CCSER1: variants seen among roughly 807,000 people sequenced by gnomAD.
The protein encoded by CCSER1 is serine-rich coiled-coil domain-containing protein 1.
CCSER1 carries 41 observed loss-of-function variants against 82.0 expected under a neutral mutation model. The ratio of observed to expected loss-of-function variants is 0.50; its 90% CI spans 0.39 to 0.65. The LOEUF (loss-of-function observed/expected upper bound fraction) is 0.65. Among genes scored for constraint, CCSER1 ranks in the 30% least tolerant of loss-of-function variants. The pLI is 0.00. For synonymous variants in CCSER1, 414 were observed against 383.9 expected (o/e 1.08, Z -0.92); for missense variants, 1,119 against 1,064.2 (o/e 1.05, Z -0.72).
At chr4:90,238,346 A>AT (rs1746189773) in intron 1 of CCSER1, among the ~76,000 whole-genome samples, 1 of 152,186 alleles carries the variant, frequency 6.6e-6, no homozygotes, top group African/African-American at 2.4e-5. Context: ...GGGTCCTCAC[A>AT]TGATTCCTTT....
chr4:90,312,929 C>T lies in CCSER1; in HGVS notation c.1391C>T (p.Ser464Leu). Reference protein sequence around the residue: ...RFIERRLRSSSEGTAGSSRMI... With the variant: ...RFIERRLRSSLEGTAGSSRMI... ...ATAGAGAGGAGACTGCGATCCTCGT[C>T]AGAAGGCACTGCAGGGAGTAGCAGA... The change falls in exon 3 of 11, where the codon TCA becomes TTA. Residue 464 changes from serine (S) to leucine (L), a missense_variant. Transcript: ENST00000509176. 1 of 1,588,420 alleles carries T rather than the reference C, an allele frequency of 6.3e-7. No homozygotes were observed. Among genetic ancestry groups the T allele is most frequent in the Non-Finnish European group, 8.6e-7 (1 of 1,166,068 alleles).
At chr4:91,597,234 A>G (rs1764625949) in intron 10 of CCSER1, among the ~76,000 whole-genome samples, 1 of 152,120 alleles carries the variant, frequency 6.6e-6, no homozygotes, top group Non-Finnish European at 1.5e-5. Context: ...GGAATAAAAG[A>G]AACTACCTCA....
In CCSER1 at chr4:91,179,460, T is replaced by G. The variant is rs55924779; in HGVS notation, c.2217+93466T>G. Among the ~76,000 whole-genome samples, 503 of 152,350 alleles carry G rather than the reference T, an allele frequency of 3.3e-3. 2 individuals are homozygous for G. Among genetic ancestry groups the G allele is most frequent in the African/African-American group, 0.012 (483 of 41,588 alleles). ...ACACCAGTCAGACATAAGTTTGGTC[T>G]TTTCACATAGTCCCATATTTCTTGG... is the stretch of plus-strand genomic sequence containing the variant. On this transcript the variant is annotated intron_variant, in intron 10 of 10. Coordinates refer to ENST00000509176, the MANE Select transcript of CCSER1 (RefSeq NM_001145065.2).
At chr4:91,339,279 C>T (rs955064598) in intron 10 of CCSER1, among the ~76,000 whole-genome samples, 12 of 152,004 alleles carry the variant, frequency 7.9e-5, no homozygotes, top group Non-Finnish European at 1.8e-4. Flanking sequence ...CTGCCAGACA[C>T]TAAATGATTG....
intron 10 of CCSER1, among the ~76,000 whole-genome samples, chr4:91,159,655 CAGAA>C (rs1040695258): frequency 3.3e-5 from 5 of 151,674 alleles, no homozygotes; most frequent in Admixed American, 6.6e-5. Context: ...AGTAGTTTGT[CAGAA>C]AGAATGTGCA....
intron 10 of CCSER1, among the ~76,000 whole-genome samples, chr4:91,334,242 C>G (rs1441976817): frequency 1.3e-5 from 2 of 152,006 alleles, no homozygotes; most frequent in African/African-American, 4.8e-5. Flanking sequence ...TATTTCTTAT[C>G]TAACCAAAAC....
Position 90,351,600 on chromosome 4 carries a change from A to G in CCSER1, c.1509+38553A>G, listed in dbSNP as rs560553475. Among the ~76,000 whole-genome samples the G allele has an allele frequency of 3.9e-4, 59 of 152,280 alleles. 1 individual carries two copies. In the South Asian group the frequency reaches 0.01, roughly 26 times the overall value. ...CTGAAAACAGTGTGTATGTTCAACA[A>G]TAGTGTAAAAAAAAGTACATTGTGT... On this transcript the variant is annotated intron_variant, in intron 3 of 10. Transcript: ENST00000509176.
At chr4:90,477,382 C>A (rs568034440) in intron 5 of CCSER1, among the ~76,000 whole-genome samples, 2 of 152,196 alleles carry the variant, frequency 1.3e-5, no homozygotes, top group East Asian at 3.9e-4. Flanking sequence ...GACAATAGCA[C>A]CTGCTTTGTA....
chr4:90,553,820 A>T (rs573629786), intron 5 of CCSER1, among the ~76,000 whole-genome samples: 1 of 152,346 alleles, frequency 6.6e-6, no homozygotes, highest in East Asian at 1.9e-4. Context: ...TAATTCATTT[A>T]AACCTTCTGA....
chr4:91,185,058 A>G (rs909853241), intron 10 of CCSER1, among the ~76,000 whole-genome samples: 12 of 152,226 alleles, frequency 7.9e-5, no homozygotes, highest in African/African-American at 2.7e-4. Flanking sequence ...CCATGTGGAC[A>G]GCCAGTGCTG....
intron 7 of CCSER1, among the ~76,000 whole-genome samples, chr4:90,789,670 T>A (rs1840305): frequency 0.41 from 61,743 of 151,912 alleles, 14,383 homozygotes; most frequent in African/African-American, 0.65. Context: ...AATCTGACAG[T>A]TTTAAAAAGG....
chr4:90,858,030 T>C (rs556307898), intron 8 of CCSER1, among the ~76,000 whole-genome samples: 2 of 152,148 alleles, frequency 1.3e-5, no homozygotes, highest in South Asian at 4.1e-4. Flanking sequence ...ATAAAAGTTA[T>C]TTTTTAAAAA....
chr4:91,490,871 T>A (rs1456661665), intron 10 of CCSER1, among the ~76,000 whole-genome samples: 2 of 67,536 alleles, frequency 3.0e-5, no homozygotes, highest in African/African-American at 5.5e-5. Flanking sequence ...TCTCAGGCAC[T>A]CCATATATAT....
chr4:91,089,461 A>C (rs1723718855), intron 10 of CCSER1, among the ~76,000 whole-genome samples: 1 of 152,186 alleles, frequency 6.6e-6, no homozygotes. Context: ...ATAAAACAAT[A>C]TGGGGGGATC....
chr4:90,632,002 TG>T (rs893994568), intron 6 of CCSER1, among the ~76,000 whole-genome samples: 15 of 152,306 alleles, frequency 9.8e-5, no homozygotes, highest in African/African-American at 3.4e-4. Flanking sequence ...AAAACACTTC[TG>T]GTCCCAAGCC....
chr4:90,363,529 A>G (rs116062360), intron 3 of CCSER1, among the ~76,000 whole-genome samples: 1,706 of 152,134 alleles, frequency 0.011, 31 homozygotes, highest in African/African-American at 0.04. Context: ...TGAGAGTTTT[A>G]TTCTAAAAAG....
At chr4:91,425,446 G>C (rs1753913360) in intron 10 of CCSER1, among the ~76,000 whole-genome samples, 1 of 152,032 alleles carries the variant, frequency 6.6e-6, no homozygotes, top group Admixed American at 6.6e-5. Context: ...ACTGTGAAAA[G>C]CATTGTAATT....
chr4:90,147,794 A>T (rs1182386637), intron 1 of CCSER1, among the ~76,000 whole-genome samples: 1 of 152,212 alleles, frequency 6.6e-6, no homozygotes, highest in Non-Finnish European at 1.5e-5. Flanking sequence ...TAAGATTGTG[A>T]ACATATGCTA....
chr4:90,223,818 C>T (rs1742626875), intron 1 of CCSER1, among the ~76,000 whole-genome samples: 1 of 152,174 alleles, frequency 6.6e-6, no homozygotes, highest in African/African-American at 2.4e-5. Flanking sequence ...GCCCAAATTA[C>T]AGAATTTATT....
Sources: gnomAD v4.1 joint callset for allele counts (sites outside exome capture counted in the v4.1 genomes callset) on GRCh38, gnomAD v4.1.1 for gene constraint, MANE v1.5 for transcripts, NCBI Gene and HGNC (gene_info 2026-07-23, HGNC 2026-07-21) for gene names.